The following STARD3 variants were observed in gnomAD, a reference collection of about 807,000 sequenced individuals.
STARD3 encodes the protein StAR related lipid transfer domain containing 3.
Under a neutral mutation model 62.0 loss-of-function variants are expected in STARD3, and 39 were observed. The observed-to-expected ratio is 0.63, with a 90% CI of 0.49 to 0.82. The LOEUF is 0.82. STARD3 is among the 40% of genes least tolerant of loss of function. The probability of loss-of-function intolerance (pLI) is 0.00; values close to 1 mark genes in which losing one functional copy is unlikely to be tolerated. For missense variants in STARD3, 543 were observed against 584.5 expected, an observed-to-expected ratio of 0.93 and a Z score of 0.73; for synonymous variants, 229 against 242.4, an observed-to-expected ratio of 0.94 and a Z score of 0.51.
intron 2 of STARD3, 82 bp from the exon 3 acceptor site, chr17:39,656,926 C>T: frequency 7.1e-7 from 1 of 1,399,514 alleles, no homozygotes; most frequent in Non-Finnish European, 1.0e-6. Context: ...CCATCCCCTA[C>T]CTCTTGCCCC....
At chr17:39,661,112 C>G in intron 13 of STARD3, 27 bp downstream of exon 13, 1 of 1,601,764 alleles carries the variant, frequency 6.2e-7, no homozygotes, top group Non-Finnish European at 8.5e-7. Context: ...CTGGGGTCAC[C>G]CCTGCCAGCC....
chr17:39,658,681 G>T (rs375532242), intron 6 of STARD3, 41 bp from the exon 7 acceptor site: 37 of 1,612,040 alleles, frequency 2.3e-5, no homozygotes, highest in Admixed American at 6.7e-5. Context: ...GGCTGCTAGG[G>T]TGTAACTGTC....
Position 39,658,722 on chromosome 17 carries a change from G to A in STARD3, c.548G>A (p.Trp183Ter). 2.5e-6 allele frequency: 4 copies of A among 1,613,932 alleles called. No homozygotes were observed. Among genetic ancestry groups the A allele is most frequent in the Non-Finnish European group, 3.4e-6 (4 of 1,179,980 alleles). The change falls in exon 7 of 15, where the codon TGG (tryptophan) becomes TAG (stop). Residue 183 changes from tryptophan to a stop codon, truncating the protein, a stop_gained and splice_region_variant. Transcript: ENST00000336308. LOFTEE classifies it high-confidence loss of function. ...VLPQEAEEER[W>*]YLAAQVAVAR... Reference sequence around the variant, plus strand: ...TCCGGGACCGAGTCTGCTCCTCCAGGGTATCTTGCCGCCCAGGTTGCTGTT... The same window carrying A: ...TCCGGGACCGAGTCTGCTCCTCCAGAGTATCTTGCCGCCCAGGTTGCTGTT...
chr17:39,659,491 G>A lies in STARD3; in HGVS notation c.733G>A (p.Ala245Thr). 2 of 1,614,166 alleles carry A rather than the reference G, an allele frequency of 1.2e-6. No individual in the cohort carries two copies. Among genetic ancestry groups the A allele is most frequent in the Non-Finnish European group, 1.7e-6 (2 of 1,180,032 alleles). The change falls in exon 9 of 15, where the codon GCC becomes ACC. Residue 245 changes from alanine (A) to threonine (T), a missense_variant. Coordinates refer to ENST00000336308, the MANE Select transcript of STARD3 (RefSeq NM_006804.4). ...EREYIRQGKE[A>T]TAVVDQILAQ... ...GGAGTACATCCGCCAGGGGAAGGAG[G>A]CCACGGCAGTGGTGGACCAGATCTT...
intron 1 of STARD3, among the ~76,000 whole-genome samples, chr17:39,647,591 C>T (rs946626987): frequency 1.3e-5 from 2 of 152,182 alleles, no homozygotes; most frequent in African/African-American, 4.8e-5. Flanking sequence ...GGCAGTTCCA[C>T]GCCACGGTGG....
At position 39,662,915 on chromosome 17, in the gene STARD3, C is replaced by T. The variant is rs1385430340; in HGVS notation, c.*7C>T. The T allele has an allele frequency of 6.2e-7, 1 of 1,606,782 alleles. No homozygotes were observed. The highest frequency in any genetic ancestry group is 2.3e-5 in the East Asian group (1 of 44,360). On this transcript the variant is annotated 3_prime_UTR_variant, in exon 15 of 15. Transcript: ENST00000336308. ...GCTGGGGGCCCGGGCGTGACTGTGC[C>T]CCCTCCCACCCTGCGGGCCAGGGTC...
chr17:39,652,328 A>C (rs962001610), intron 1 of STARD3, among the ~76,000 whole-genome samples: 3 of 152,248 alleles, frequency 2.0e-5, no homozygotes, highest in Non-Finnish European at 2.9e-5. Flanking sequence ...CATGCCAGGC[A>C]TTGTGCTGGG....
intron 13 of STARD3, 70 bp downstream of exon 13, chr17:39,661,155 CAGCATG>C: frequency 1.4e-6 from 2 of 1,388,634 alleles, no homozygotes; most frequent in Non-Finnish European, 2.0e-6. Context: ...GTGCAGGGTA[CAGCATG>C]TACAGCTGGG....
chr17:39,650,170 T>G (rs2057064062), intron 1 of STARD3, among the ~76,000 whole-genome samples: 2 of 152,182 alleles, frequency 1.3e-5, no homozygotes, highest in African/African-American at 4.8e-5. Context: ...ATTGCAGATG[T>G]GATCAGTCAA....
At chr17:39,654,667 C>G (rs886197190) in intron 2 of STARD3, among the ~76,000 whole-genome samples, 1 of 152,220 alleles carries the variant, frequency 6.6e-6, no homozygotes, top group African/African-American at 2.4e-5. Flanking sequence ...AGCTCCTCCT[C>G]GGCTTTGGCC....
Position 39,660,289 on chromosome 17 carries a change from G to C in STARD3, c.858+16G>C, listed in dbSNP as rs373891160. 2 of 1,613,992 alleles carry C rather than the reference G, an allele frequency of 1.2e-6. No individual in the cohort carries two copies. Among genetic ancestry groups the C allele is most frequent in the Non-Finnish European group, 1.7e-6 (2 of 1,180,024 alleles). ...TATCCTGAAGGTGAGTGAGGGGAGC[G>C]GGTGTCCTGGAGCCCCAGACAGCAC... is the stretch of plus-strand genomic sequence containing the variant. On this transcript the variant is annotated intron_variant, in intron 10 of 14. Coordinates refer to ENST00000336308, the MANE Select transcript of STARD3 (RefSeq NM_006804.4). This position sits in a 1 kb window ranked among gnomAD's most constrained non-coding sequence, Gnocchi z 4.8.
intron 1 of STARD3, 103 bp from the exon 2 acceptor site, chr17:39,653,378 C>A: frequency 1.3e-6 from 1 of 776,246 alleles, no homozygotes; most frequent in Non-Finnish European, 2.0e-6. Context: ...GGCTTGGGAC[C>A]CAGTGTAGAG....
At chr17:39,657,174 A>G in intron 3 of STARD3, 89 bp downstream of exon 3, 1 of 1,255,844 alleles carries the variant, frequency 8.0e-7, no homozygotes, top group Non-Finnish European at 1.2e-6. Context: ...GGCAGCATAT[A>G]TCCAGTCTGA....
At chr17:39,647,970 G>T (rs758216641) in intron 1 of STARD3, among the ~76,000 whole-genome samples, 1 of 151,910 alleles carries the variant, frequency 6.6e-6, no homozygotes, top group Non-Finnish European at 1.5e-5. Flanking sequence ...CATAGACCTT[G>T]TCTCTACAAA....
chr17:39,660,400 C>T lies in STARD3; in HGVS notation c.859-31C>T. ...GGTTGGTCTGCCCGAGCCCATCTGG[C>T]ACCACCCAGCCCTCTGCCGCCCTGT... is the stretch of plus-strand genomic sequence containing the variant. On this transcript the variant is annotated intron_variant, in intron 10 of 14. Coordinates refer to ENST00000336308, the MANE Select transcript of STARD3 (RefSeq NM_006804.4). This position sits in a 1 kb window ranked among gnomAD's most constrained non-coding sequence, Gnocchi z 4.8. 2 of 1,612,546 alleles carry T rather than the reference C, an allele frequency of 1.2e-6. No homozygotes were observed. The highest frequency in any genetic ancestry group is 1.7e-6 in the Non-Finnish European group (2 of 1,179,222).
Position 39,663,094 on chromosome 17 carries a change from GC to G in STARD3, c.*190del. 3.6e-6 allele frequency: 2 copies of G among 556,152 alleles called. No homozygotes were observed. Among genetic ancestry groups the G allele is most frequent in the Non-Finnish European group, 6.0e-6 (2 of 332,814 alleles). The allele number at this position is 556,152 out of a possible 1,614,324, so 34.5% of individuals were successfully genotyped here. On this transcript the variant is annotated 3_prime_UTR_variant, in exon 15 of 15. Coordinates refer to ENST00000336308, the MANE Select transcript of STARD3 (RefSeq NM_006804.4). ...GTGGGGTGGAGCACTGGACTCCGGG[GC>G]CCCACTGGCTGGAGGAAGTGGGGTC...
At chr17:39,659,706 TG>T in intron 9 of STARD3, 153 bp downstream of exon 9, 1 of 755,398 alleles carries the variant, frequency 1.3e-6, no homozygotes. Flanking sequence ...GGCAGGAGGC[TG>T]GGCTGGATTG....
intron 1 of STARD3, among the ~76,000 whole-genome samples, chr17:39,642,124 G>A (rs548154624): frequency 2.0e-5 from 3 of 152,374 alleles, no homozygotes; most frequent in East Asian, 3.9e-4. Context: ...CAGGCGATGG[G>A]CTGTGGTGTG....
chr17:39,657,673 C>T (rs2145013716), intron 3 of STARD3, 102 bp from the exon 4 acceptor site: 1 of 1,259,500 alleles, frequency 7.9e-7, no homozygotes, highest in East Asian at 2.3e-5. Context: ...TGTGCATGCC[C>T]ATAGGAAGGG....
Sources: gnomAD v4.1 joint callset for allele counts (sites outside exome capture counted in the v4.1 genomes callset) on GRCh38, gnomAD v4.1.1 for gene constraint, Gnocchi (gnomAD v3.1) non-coding constraint, MANE v1.5 for transcripts, NCBI Gene and HGNC (gene_info 2026-07-23, HGNC 2026-07-21) for gene names.